PACRG: variants seen among roughly 807,000 people sequenced by gnomAD.
PACRG encodes parkin coregulated gene protein.
Under a neutral mutation model 29.7 loss-of-function variants are expected in PACRG, and 29 were observed. That is an observed-to-expected ratio of 0.98 (90% CI 0.73 to 1.33). The LOEUF is 1.33. PACRG is among the 40% of genes most tolerant of loss of function. PACRG has a pLI of 0.00. For missense variants in PACRG, 279 were observed against 316.2 expected, an observed-to-expected ratio of 0.88 and a Z score of 0.89; for synonymous variants, 116 against 118.7, an observed-to-expected ratio of 0.98 and a Z score of 0.15.
At chr6:163,180,511 C>T (rs1779602886) in intron 4 of PACRG, among the ~76,000 whole-genome samples, 5 of 152,080 alleles carry the variant, frequency 3.3e-5, no homozygotes, top group Admixed American at 3.3e-4. Flanking sequence ...CTTGTCATCC[C>T]AGCACTTCGG....
At chr6:163,141,138 C>T (rs545083178) in intron 4 of PACRG, among the ~76,000 whole-genome samples, 7 of 151,952 alleles carry the variant, frequency 4.6e-5, no homozygotes, top group East Asian at 3.9e-4. Flanking sequence ...ATCAGCAGCC[C>T]GAGACACAAG....
Position 162,836,439 on chromosome 6 carries a change from T to C in PACRG, c.291+22158T>C, listed in dbSNP as rs538687195. Among the ~76,000 whole-genome samples the C allele has an allele frequency of 5.3e-5, 8 of 152,214 alleles. No homozygotes were observed. In the East Asian group the frequency reaches 1.5e-3, roughly 29 times the overall value. On this transcript the variant is annotated intron_variant, in intron 2 of 4. Coordinates refer to ENST00000366888, the MANE Select transcript of PACRG (RefSeq NM_001080379.2). ...CCCAGAGGGGTGAGGTAGGAACACC[T>C]ATCTGAACACTTCCCTTTCTTTCCT...
intron 2 of PACRG, among the ~76,000 whole-genome samples, chr6:162,831,260 TA>T (rs2128393884): frequency 6.6e-6 from 1 of 152,308 alleles, no homozygotes; most frequent in African/African-American, 2.4e-5. Context: ...TCTTTGTGAT[TA>T]AAATTTAGTG....
At chr6:163,289,849 T>C (rs941942605) in intron 4 of PACRG, among the ~76,000 whole-genome samples, 13 of 151,970 alleles carry the variant, frequency 8.6e-5, no homozygotes, top group African/African-American at 2.9e-4. Flanking sequence ...TTTTCTTTTT[T>C]ATTTTATTTT....
At chr6:162,748,734 C>A (rs1781288545) in intron 1 of PACRG, among the ~76,000 whole-genome samples, 1 of 152,142 alleles carries the variant, frequency 6.6e-6, no homozygotes, top group South Asian at 2.1e-4. Context: ...ATCCCTTCAC[C>A]TCTACCACAT....
intron 4 of PACRG, among the ~76,000 whole-genome samples, chr6:163,181,741 T>C (rs2402): frequency 0.32 from 49,119 of 151,958 alleles, 9,433 homozygotes; most frequent in Middle Eastern, 0.45. Flanking sequence ...TTCTCATCAT[T>C]AACCACTTAG....
intron 2 of PACRG, among the ~76,000 whole-genome samples, chr6:162,972,194 G>A (rs1250524912): frequency 6.6e-6 from 1 of 152,126 alleles, no homozygotes; most frequent in Non-Finnish European, 1.5e-5. Context: ...CAAAGAGATC[G>A]GCTTGAGTGA....
chr6:162,847,748 T>G (rs1790525257), intron 2 of PACRG, among the ~76,000 whole-genome samples: 1 of 151,950 alleles, frequency 6.6e-6, no homozygotes, highest in Non-Finnish European at 1.5e-5. Flanking sequence ...CATTGCAAGA[T>G]TCACAGTAGT....
chr6:163,120,809 A>G (rs1816231754), intron 4 of PACRG, among the ~76,000 whole-genome samples: 1 of 152,150 alleles, frequency 6.6e-6, no homozygotes, highest in Admixed American at 6.5e-5. Context: ...AAGGAGCTCA[A>G]ATGATCCTTG....
intron 4 of PACRG, among the ~76,000 whole-genome samples, chr6:163,217,319 C>T (rs1781401162): frequency 6.6e-6 from 1 of 152,242 alleles, no homozygotes; most frequent in Non-Finnish European, 1.5e-5. Flanking sequence ...CCAATCCCAA[C>T]AGAGCAGGTG....
At chr6:162,883,466 T>G (rs1794071167) in intron 2 of PACRG, among the ~76,000 whole-genome samples, 1 of 152,200 alleles carries the variant, frequency 6.6e-6, no homozygotes, top group African/African-American at 2.4e-5. Context: ...ATTCCTCTCA[T>G]GGCATGGATC....
intron 3 of PACRG, among the ~76,000 whole-genome samples, chr6:163,087,465 A>G (rs1813672711): frequency 1.3e-5 from 2 of 151,680 alleles, no homozygotes; most frequent in South Asian, 2.1e-4. Context: ...AGAGGAGAGG[A>G]GGTGAGGATG....
chr6:163,271,594 A>G (rs1783833944), intron 4 of PACRG, among the ~76,000 whole-genome samples: 1 of 152,158 alleles, frequency 6.6e-6, no homozygotes, highest in Non-Finnish European at 1.5e-5. Flanking sequence ...CCCCAACATC[A>G]CTTATTAAAT....
At chr6:163,126,073 A>C (rs2128327133) in intron 4 of PACRG, among the ~76,000 whole-genome samples, 1 of 152,298 alleles carries the variant, frequency 6.6e-6, no homozygotes, top group South Asian at 2.1e-4. Context: ...ACATACAAAA[A>C]CACTTACGTA....
chr6:162,980,413 A>G (rs1226410955), intron 2 of PACRG, among the ~76,000 whole-genome samples: 1 of 152,138 alleles, frequency 6.6e-6, no homozygotes, highest in East Asian at 1.9e-4. Context: ...GCCATATATT[A>G]AGAAAAAATG....
At chr6:163,134,118 A>G (rs1238416832) in intron 4 of PACRG, among the ~76,000 whole-genome samples, 3 of 152,248 alleles carry the variant, frequency 2.0e-5, no homozygotes, top group Non-Finnish European at 4.4e-5. Context: ...TGGAAAGGGA[A>G]AGAACTATGG....
intron 3 of PACRG, among the ~76,000 whole-genome samples, chr6:163,078,333 T>G (rs1353698735): frequency 1.3e-5 from 2 of 151,794 alleles, no homozygotes; most frequent in Non-Finnish European, 2.9e-5. Context: ...AAACCCTTTC[T>G]CTACTAAAAG....
intron 4 of PACRG, among the ~76,000 whole-genome samples, chr6:163,160,186 G>A (rs1040053918): frequency 7.2e-5 from 11 of 152,234 alleles, no homozygotes; most frequent in Non-Finnish European, 1.6e-4. Flanking sequence ...AGTTTGATGA[G>A]GTTTCTTAAT....
At chr6:163,143,042 ATGCTATC>A (rs1777616456) in intron 4 of PACRG, among the ~76,000 whole-genome samples, 1 of 152,158 alleles carries the variant, frequency 6.6e-6, no homozygotes, top group South Asian at 2.1e-4. Context: ...CGAAATCCAA[ATGCTATC>A]TGAAGCTTAG....
Sources: allele counts gnomAD v4.1 joint callset (sites outside exome capture counted in the v4.1 genomes callset), GRCh38; gene constraint gnomAD v4.1.1; transcripts MANE v1.5; gene names NCBI Gene and HGNC (gene_info 2026-07-23, HGNC 2026-07-21).